Variants in HECW1 observed in about 807,000 individuals in gnomAD.
HECW1 encodes E3 ubiquitin-protein ligase HECW1.
HECW1 carries 61 observed loss-of-function variants against 182.3 expected under a neutral mutation model. The observed-to-expected ratio is 0.33, with a 90% CI of 0.27 to 0.41. The LOEUF (loss-of-function observed/expected upper bound fraction) is 0.41, where lower values mean the gene tolerates loss of function less well. Among genes scored for constraint, HECW1 ranks in the 10% least tolerant of loss-of-function variants. HECW1 has a pLI of 1.00. For synonymous variants in HECW1, 859 were observed against 832.6 expected (o/e 1.03, Z -0.55); for missense variants, 1,739 against 2,108.9 (o/e 0.82, Z 3.44).
chr7:43,397,941 TA>T (rs1286463181), intron 7 of HECW1, among the ~76,000 whole-genome samples: 2 of 152,216 alleles, frequency 1.3e-5, no homozygotes, highest in African/African-American at 4.8e-5. Context: ...AACTCTTCTG[TA>T]AACCCAGAAT....
At chr7:43,514,435 C>T (rs1469935236) in intron 24 of HECW1, among the ~76,000 whole-genome samples, 1 of 151,934 alleles carries the variant, frequency 6.6e-6, no homozygotes, top group African/African-American at 2.4e-5. Context: ...ATTACAGGCA[C>T]ATGCCACCAC....
intron 3 of HECW1, chr7:43,248,536 T>C (rs1285499920): frequency 3.3e-5 from 5 of 152,256 alleles, no homozygotes; most frequent in East Asian, 1.9e-4. Context: ...CAGATATAAA[T>C]TGACAAAGTC....
chr7:43,272,042 AC>A (rs1802467225), intron 3 of HECW1, among the ~76,000 whole-genome samples: 1 of 151,834 alleles, frequency 6.6e-6, no homozygotes, highest in African/African-American at 2.4e-5. Flanking sequence ...AAATAAGGCC[AC>A]CCCCCTACAG....
At chr7:43,250,780 T>C (rs1394385184) in intron 3 of HECW1, among the ~76,000 whole-genome samples, 1 of 152,194 alleles carries the variant, frequency 6.6e-6, no homozygotes, top group Non-Finnish European at 1.5e-5. Context: ...AATGATTTTT[T>C]AAATAAAAAC....
intron 2 of HECW1, among the ~76,000 whole-genome samples, chr7:43,141,543 A>G (rs960775942): frequency 2.6e-5 from 4 of 152,018 alleles, no homozygotes; most frequent in Admixed American, 6.6e-5. Flanking sequence ...GTTGTTGCCC[A>G]GGCTAGAGTG....
At chr7:43,329,908 A>C (rs1811253910) in intron 5 of HECW1, among the ~76,000 whole-genome samples, 1 of 152,202 alleles carries the variant, frequency 6.6e-6, no homozygotes, top group African/African-American at 2.4e-5. Flanking sequence ...TTCCATAGGC[A>C]AGAGCCTTTC....
At chr7:43,129,494 A>G (rs1407703094) in intron 2 of HECW1, among the ~76,000 whole-genome samples, 4 of 152,138 alleles carry the variant, frequency 2.6e-5, no homozygotes, top group African/African-American at 9.6e-5. Context: ...GTGTAAACAT[A>G]ACTTTTATGT....
At chr7:43,358,818 C>CTTTTTTTT (rs572118397) in intron 5 of HECW1, among the ~76,000 whole-genome samples, 5 of 93,452 alleles carry the variant, frequency 5.4e-5, no homozygotes, top group Admixed American at 1.3e-4. Flanking sequence ...AAAATATATT[C>CTTTTTTTT]TTTTTTTTTT....
At chr7:43,365,109 A>G (rs1584640350) in intron 6 of HECW1, among the ~76,000 whole-genome samples, 1 of 152,102 alleles carries the variant, frequency 6.6e-6, no homozygotes, top group Non-Finnish European at 1.5e-5. Context: ...ACTCTCAGGC[A>G]CCCAGCCGGC....
intron 2 of HECW1, chr7:43,118,864 A>G (rs879622705): frequency 8.5e-5 from 13 of 152,114 alleles, no homozygotes; most frequent in African/African-American, 2.9e-4. Flanking sequence ...TTGGCATACA[A>G]ATGGTACTGT....
chr7:43,213,691 C>T (rs1419522563), intron 2 of HECW1, among the ~76,000 whole-genome samples: 22 of 151,928 alleles, frequency 1.4e-4, no homozygotes, highest in African/African-American at 4.6e-4. Flanking sequence ...GTGATCCACC[C>T]GCCTCAGCCT....
At position 43,444,459 on chromosome 7, in the gene HECW1, C is replaced by T. The variant is rs770323986; in HGVS notation, c.1287C>T (p.Gly429=). The part of the protein sequence containing the change: ...AAVITEAGDQ[G]MVSVGPEGAG... ...TCATCACGGAGGCAGGAGACCAGGGCATGGTCTCTGTGGGACCTGAAGGGG... is the reference window on the plus strand; with the variant it reads ...TCATCACGGAGGCAGGAGACCAGGGTATGGTCTCTGTGGGACCTGAAGGGG... Residue 429 remains glycine (G), a synonymous_variant, in exon 11 of 30, where the codon GGC becomes GGT. Transcript: ENST00000395891. This position sits in a 1 kb window ranked among gnomAD's most constrained non-coding sequence, Gnocchi z 4.3. 1.2e-6 allele frequency: 2 copies of T among 1,613,612 alleles called. No homozygotes were observed. Among genetic ancestry groups the T allele is most frequent in the South Asian group, 1.1e-5 (1 of 90,998 alleles).
At chr7:43,332,506 A>G (rs1811623801) in intron 5 of HECW1, among the ~76,000 whole-genome samples, 2 of 152,244 alleles carry the variant, frequency 1.3e-5, no homozygotes, top group African/African-American at 4.8e-5. Flanking sequence ...TGGGGCAGAC[A>G]AGGGACACTG....
At chr7:43,287,204 G>A (rs1200850286) in intron 3 of HECW1, among the ~76,000 whole-genome samples, 5 of 151,948 alleles carry the variant, frequency 3.3e-5, no homozygotes, top group Admixed American at 1.3e-4. Flanking sequence ...GAAAGAGAGT[G>A]AGCATGGCAA....
At chr7:43,135,317 C>T (rs79063661) in intron 2 of HECW1, among the ~76,000 whole-genome samples, 1 of 152,082 alleles carries the variant, frequency 6.6e-6, no homozygotes, top group East Asian at 1.9e-4. Flanking sequence ...ATCTGACATG[C>T]CTCATTCACC....
Position 43,508,750 on chromosome 7 carries a change from C to A in HECW1, c.3867-219C>A, listed in dbSNP as rs1399080779. 29 of 551,854 alleles carry A rather than the reference C, an allele frequency of 5.3e-5. No individual in the cohort carries two copies. In the Admixed American group the frequency reaches 9.1e-4, roughly 17 times the overall value. The allele number at this position is 551,854 out of a possible 1,614,324, so 34.2% of individuals were successfully genotyped here. A position where few individuals can be genotyped will look rare whatever the true frequency, so the allele number is the denominator to read the frequency against. On this transcript the variant is annotated intron_variant, in intron 23 of 29. Coordinates refer to ENST00000395891, the MANE Select transcript of HECW1 (RefSeq NM_015052.5). ...AGGAAAGCTGCCATAAGAGTTTATT[C>A]ATGGACATCTGGTTAAGAAACATCT...
At chr7:43,270,903 G>A (rs1489912748) in intron 3 of HECW1, among the ~76,000 whole-genome samples, 1 of 152,088 alleles carries the variant, frequency 6.6e-6, no homozygotes, top group African/African-American at 2.4e-5. Flanking sequence ...ACTTTGAAAA[G>A]AAGTATGTGG....
rs1385531514 is a variant in HECW1 at position 43,447,585 on chromosome 7, G to A, written c.2398+2015G>A. ...TTGATCTGCTGAAGGCCATGCACACGCTGGCATGTGACTTCTTCCCAGCCA... is the reference window on the plus strand; with the variant it reads ...TTGATCTGCTGAAGGCCATGCACACACTGGCATGTGACTTCTTCCCAGCCA... On this transcript the variant is annotated intron_variant, in intron 11 of 29. Coordinates refer to ENST00000395891, the MANE Select transcript of HECW1 (RefSeq NM_015052.5). Among the ~76,000 whole-genome samples, 4 of 152,142 alleles carry A rather than the reference G, an allele frequency of 2.6e-5. No individual in the cohort carries two copies. The East Asian group carries it at 5.8e-4, about 22-fold the overall frequency.
intron 3 of HECW1, among the ~76,000 whole-genome samples, chr7:43,247,787 A>T (rs1799542355): frequency 8.0e-6 from 1 of 124,954 alleles, no homozygotes; most frequent in Non-Finnish European, 1.6e-5. Context: ...GAGAGAAAAA[A>T]AGAAAAGAAG....
Sources: allele counts gnomAD v4.1 joint callset (sites outside exome capture counted in the v4.1 genomes callset), GRCh38; gene constraint gnomAD v4.1.1; non-coding constraint Gnocchi (gnomAD v3.1); transcripts MANE v1.5; gene names NCBI Gene and HGNC (gene_info 2026-07-23, HGNC 2026-07-21).